Variants in PRKN observed in about 807,000 individuals in gnomAD.
The protein encoded by PRKN is parkin RBR E3 ubiquitin protein ligase, also known as E3 ubiquitin-protein ligase parkin.
PRKN carries 56 observed loss-of-function variants against 59.5 expected under a neutral mutation model. That is an observed-to-expected ratio of 0.94 (90% CI 0.76 to 1.18). The LOEUF is 1.18. PRKN is among the 50% of genes most tolerant of loss of function. PRKN has a pLI of 0.00. For missense variants in PRKN, 657 were observed against 596.4 expected (o/e 1.10, Z -1.06); for synonymous variants, 250 against 222.1 (o/e 1.13, Z -1.12).
rs115394859 is a variant in PRKN, at chr6:162,159,852, G to A, written c.534+41279C>T. On this transcript the variant is annotated intron_variant, in intron 4 of 11. Coordinates refer to ENST00000366898, the MANE Select transcript of PRKN (RefSeq NM_004562.3). ...TGTAAGTGTAATTCAGTGGAGAATG[G>A]ACAATATTTTCAACAAGTGGCTCTG... Among the ~76,000 whole-genome samples, 503 of 152,276 alleles carry A rather than the reference G, an allele frequency of 3.3e-3. 2 individuals carry two copies. The highest frequency in any genetic ancestry group is 0.012 in the African/African-American group (488 of 41,550).
intron 6 of PRKN, among the ~76,000 whole-genome samples, chr6:161,949,940 C>G (rs1437170896): frequency 1.3e-5 from 2 of 152,190 alleles, no homozygotes; most frequent in Admixed American, 6.5e-5. Context: ...CAGCTAAACT[C>G]TTTGCAAAGC....
intron 2 of PRKN, among the ~76,000 whole-genome samples, chr6:162,404,711 C>T (rs982997878): frequency 6.6e-6 from 1 of 152,060 alleles, no homozygotes; most frequent in Non-Finnish European, 1.5e-5. Context: ...CACCACCACA[C>T]CCAGCTAATT....
chr6:162,158,419 T>TGG (rs1359747073), intron 4 of PRKN, among the ~76,000 whole-genome samples: 4 of 127,578 alleles, frequency 3.1e-5, no homozygotes, highest in South Asian at 2.4e-4. Context: ...TGTTTGCGTT[T>TGG]TTTTTTTTTT....
chr6:162,635,722 G>C (rs903277725), intron 1 of PRKN, among the ~76,000 whole-genome samples: 10 of 152,034 alleles, frequency 6.6e-5, no homozygotes, highest in African/African-American at 2.2e-4. Context: ...ATAAAAAACA[G>C]TTCCAAGGAA....
chr6:161,430,540 G>A (rs1026673028), intron 9 of PRKN, among the ~76,000 whole-genome samples: 1 of 152,164 alleles, frequency 6.6e-6, no homozygotes, highest in East Asian at 1.9e-4. Context: ...AATGGGCCGG[G>A]CGTGGTGGCT....
At chr6:162,576,569 T>C (rs1176924678) in intron 1 of PRKN, among the ~76,000 whole-genome samples, 1 of 152,156 alleles carries the variant, frequency 6.6e-6, no homozygotes, top group Non-Finnish European at 1.5e-5. Context: ...TCCAGCACTT[T>C]GGGAGGCCAA....
intron 6 of PRKN, 35 bp from the exon 7 acceptor site, chr6:161,785,943 C>T: frequency 6.2e-7 from 1 of 1,612,090 alleles, no homozygotes. Flanking sequence ...CCTCTAGTAC[C>T]TGTCAGTGTG....
intron 6 of PRKN, among the ~76,000 whole-genome samples, chr6:161,803,630 C>A (rs1367166037): frequency 6.6e-6 from 1 of 152,200 alleles, no homozygotes; most frequent in African/African-American, 2.4e-5. Context: ...GAAGGCTGGA[C>A]GTAGTGTCAG....
At chr6:161,607,878 T>C (rs1300668758) in intron 7 of PRKN, among the ~76,000 whole-genome samples, 1 of 152,138 alleles carries the variant, frequency 6.6e-6, no homozygotes, top group African/African-American at 2.4e-5. Flanking sequence ...AGCAAATGGA[T>C]GATGGGCTGG....
chr6:162,696,653 C>T (rs11969819), intron 1 of PRKN, among the ~76,000 whole-genome samples: 36,345 of 146,880 alleles, frequency 0.25, 5,239 homozygotes, highest in African/African-American at 0.38. Flanking sequence ...CACTCCCAGG[C>T]TCAAGCCATC....
chr6:162,316,561 A>G (rs879889493), intron 2 of PRKN, among the ~76,000 whole-genome samples: 8 of 152,138 alleles, frequency 5.3e-5, no homozygotes, highest in Admixed American at 2.0e-4. Context: ...CCACCGACAA[A>G]CAGCCAAAAA....
At chr6:162,004,489 A>G (rs1227850201) in intron 5 of PRKN, among the ~76,000 whole-genome samples, 1 of 152,118 alleles carries the variant, frequency 6.6e-6, no homozygotes, top group African/African-American at 2.4e-5. Context: ...GCCACCATAG[A>G]CCTCTGACCA....
At chr6:161,729,226 T>C (rs1787575260) in intron 7 of PRKN, among the ~76,000 whole-genome samples, 1 of 152,202 alleles carries the variant, frequency 6.6e-6, no homozygotes, top group Non-Finnish European at 1.5e-5. Flanking sequence ...TACTCTCCTA[T>C]ATGCTTAGAC....
intron 7 of PRKN, among the ~76,000 whole-genome samples, chr6:161,654,436 G>A (rs1784265817): frequency 6.6e-6 from 1 of 152,158 alleles, no homozygotes; most frequent in South Asian, 2.1e-4. Context: ...AAAGTCTCCA[G>A]CAGCCATGAA....
At chr6:161,979,744 C>T (rs1013235152) in intron 5 of PRKN, among the ~76,000 whole-genome samples, 2 of 152,152 alleles carry the variant, frequency 1.3e-5, no homozygotes, top group Non-Finnish European at 2.9e-5. Context: ...ACTGTCGAAG[C>T]CTGACCCTCC....
intron 7 of PRKN, among the ~76,000 whole-genome samples, chr6:161,614,658 T>A (rs1052541255): frequency 6.6e-6 from 1 of 152,270 alleles, no homozygotes; most frequent in Admixed American, 6.5e-5. Context: ...TTGTTTCACA[T>A]ATATGTATAG....
At chr6:161,757,871 C>CTCTG (rs1380898753) in intron 7 of PRKN, among the ~76,000 whole-genome samples, 2 of 97,980 alleles carry the variant, frequency 2.0e-5, no homozygotes, top group African/African-American at 4.5e-5. Flanking sequence ...CTCTCTCTCT[C>CTCTG]TGTGTATATA....
At chr6:161,731,307 A>T (rs973909428) in intron 7 of PRKN, among the ~76,000 whole-genome samples, 1 of 152,250 alleles carries the variant, frequency 6.6e-6, no homozygotes, top group Admixed American at 6.5e-5. Flanking sequence ...CATGACTGAA[A>T]AAACACTGTG....
rs371404284 is a variant in PRKN at position 162,714,427 on chromosome 6, C to T, written c.7+13235G>A. On this transcript the variant is annotated intron_variant, in intron 1 of 11. Transcript: ENST00000366898. ...GGCACTGAAACAAACCTGCTCTTCC[C>T]ATTTTTTAAAAAACCCTTCGGAATA... Among the ~76,000 whole-genome samples the T allele has an allele frequency of 2.6e-5, 4 of 152,062 alleles. No homozygotes were observed. In the East Asian group the frequency reaches 5.8e-4, roughly 22 times the overall value.
Sources: gnomAD v4.1 joint callset for allele counts (sites outside exome capture counted in the v4.1 genomes callset) on GRCh38, gnomAD v4.1.1 for gene constraint, MANE v1.5 for transcripts, NCBI Gene and HGNC (gene_info 2026-07-23, HGNC 2026-07-21) for gene names.